Variants in NBPF20 observed in about 807,000 individuals in gnomAD.
NBPF20 encodes NBPF family member NBPF20.
Under a neutral mutation model 68.1 loss-of-function variants are expected in NBPF20, and 90 were observed. That is an observed-to-expected ratio of 1.32 (90% CI 1.11 to 1.58). NBPF20 has a LOEUF of 1.58. NBPF20 is among the 40% of genes most tolerant of loss of function. NBPF20 has a pLI of 0.00. For synonymous variants in NBPF20, 290 were observed against 228.1 expected (o/e 1.27, Z -2.45); for missense variants, 816 against 601.2 (o/e 1.36, Z -3.74).
intron 2 of NBPF20, among the ~76,000 whole-genome samples, chr1:145,404,084 G>T (rs587608348): frequency 4.4e-4 from 58 of 131,272 alleles, no homozygotes; most frequent in Admixed American, 8.7e-4. Flanking sequence ...CAACATGGAT[G>T]GAGCCCAGGA....
At chr1:145,395,121 T>A in exon 8 of NBPF20, 2 of 1,581,314 alleles carry the variant, frequency 1.3e-6, no homozygotes, top group Admixed American at 3.3e-5. Context: ...GACTTCCTCC[T>A]CTTCAGACTC....
chr1:145,291,674 G>T, exon 138 of NBPF20: 1 of 1,611,890 alleles, frequency 6.2e-7, no homozygotes, highest in East Asian at 2.2e-5. Flanking sequence ...GAATGAGTCA[G>T]GTAGTTCAAA....
intron 61 of NBPF20, 149 bp from the exon 67 acceptor site, chr1:145,352,238 G>A: frequency 4.9e-6 from 1 of 202,332 alleles, no homozygotes; most frequent in Non-Finnish European, 9.1e-6. Context: ...CCTTCATGTT[G>A]GGACAGAACA....
chr1:145,393,360 C>A (rs1662010068), intron 9 of NBPF20, 114 bp from the exon 15 acceptor site: 3 of 705,680 alleles, frequency 4.3e-6, no homozygotes, highest in African/African-American at 3.5e-5. Flanking sequence ...AGGACAGATC[C>A]ATTAATGAGG....
chr1:145,413,549 G>A, the NBPF20 span, among the ~76,000 whole-genome samples: 84 of 152,170 alleles, frequency 5.5e-4, no homozygotes, highest in Non-Finnish European at 6.8e-4. Flanking sequence ...GGAGCCATAC[G>A]CAAAAGAGTG....
the NBPF20 span, among the ~76,000 whole-genome samples, chr1:145,419,037 A>C: frequency 6.9e-6 from 1 of 145,310 alleles, no homozygotes; most frequent in Non-Finnish European, 1.5e-5. Context: ...AGAAGAAAGG[A>C]AGAAAGGAAA....
At position 145,403,332 on chromosome 1, in the gene NBPF20, G is replaced by A. The variant is rs2101583011; in HGVS notation, c.176-14C>T. 4 of 1,590,424 alleles carry A rather than the reference G, an allele frequency of 2.5e-6. No individual in the cohort carries two copies. The East Asian group carries it at 6.7e-5, about 27-fold the overall frequency. ...ACTCTTCATATTCTGAGAAAAGACA[G>A]ACACGCCTGCCTCAGTGGAAGGCTG... On this transcript the variant is annotated splice_polypyrimidine_tract_variant and intron_variant, in intron 2 of 137. Transcript: ENST00000369373.
In NBPF20 at chr1:145,292,149, G is replaced by A. The variant is rs587720182; in HGVS notation, c.16697+232C>T. Among the ~76,000 whole-genome samples, 3 of 149,988 alleles carry A rather than the reference G, an allele frequency of 2.0e-5. No homozygotes were observed. The East Asian group carries it at 5.8e-4, about 29-fold the overall frequency. ...AATATGCTCAAAATTCGATGCAGTG[G>A]CCATGAGAGTACAGCTTTTGAAGTA... On this transcript the variant is annotated intron_variant, in intron 137 of 137. Transcript: ENST00000369373.
At chr1:145,290,269 T>A (rs1473436523) in exon 138 of NBPF20, 2 of 149,192 alleles carry the variant, frequency 1.3e-5, no homozygotes, top group Non-Finnish European at 2.9e-5. Context: ...CTTTCCCAAG[T>A]ACTTCTTCAT....
chr1:145,295,639 G>C, intron 132 of NBPF20, 21 bp from the exon 138 acceptor site: 1 of 162,306 alleles, frequency 6.2e-6, no homozygotes, highest in Non-Finnish European at 1.0e-5. Context: ...TTCAGACATG[G>C]ACAGACATAT....
At chr1:145,395,582 T>C (rs1368654366) in intron 7 of NBPF20, among the ~76,000 whole-genome samples, 2 of 149,842 alleles carry the variant, frequency 1.3e-5, no homozygotes, top group East Asian at 3.9e-4. Context: ...ATTTACTTTT[T>C]CAATTTCTTT....
Position 145,291,586 on chromosome 1 carries a change from A to T in NBPF20, c.16881T>A (p.Phe5627Leu), listed in dbSNP as rs370020654. ...GGTGGAGACTTGTCACCGTCAAAGT[A>T]AAAAACCTATTGTCCACGTAAAGGG... The change falls in exon 138 of 138, where the codon TTT becomes TTA. Residue 5627 changes from phenylalanine (F) to leucine (L), a missense_variant. Phe to Leu is a conservative substitution (Grantham distance 22, BLOSUM62 0). Transcript: ENST00000369373. 687 of 1,611,986 alleles carry T rather than the reference A, an allele frequency of 4.3e-4. 1 individual carries two copies. Among genetic ancestry groups the T allele is most frequent in the Non-Finnish European group, 3.9e-4 (463 of 1,179,854 alleles).
At chr1:145,425,566 GC>G in the NBPF20 span, among the ~76,000 whole-genome samples, 1 of 152,216 alleles carries the variant, frequency 6.6e-6, no homozygotes, top group African/African-American at 2.4e-5. Context: ...CCCATAGCCT[GC>G]GGCCAGCTGG....
upstream of NBPF20, among the ~76,000 whole-genome samples, chr1:145,407,129 C>CT (rs1169737160): frequency 9.6e-5 from 14 of 145,172 alleles, no homozygotes; most frequent in Non-Finnish European, 1.5e-5. Flanking sequence ...ACTTAAAAGT[C>CT]TTTCATTTCC....
chr1:145,405,838 C>A (rs1294424232), upstream of NBPF20: 6 of 223,870 alleles, frequency 2.7e-5, no homozygotes, highest in African/African-American at 1.4e-4. Flanking sequence ...AGTTTCCCAA[C>A]AGGTTATATT....
chr1:145,415,285 G>A, the NBPF20 span, among the ~76,000 whole-genome samples: 3 of 151,938 alleles, frequency 2.0e-5, no homozygotes, highest in African/African-American at 7.3e-5. Flanking sequence ...TCCTATCTCA[G>A]TAGATGGAAT....
intron 8 of NBPF20, among the ~76,000 whole-genome samples, chr1:145,394,240 C>T (rs1280480784): frequency 1.3e-5 from 2 of 151,844 alleles, no homozygotes; most frequent in Non-Finnish European, 2.9e-5. Flanking sequence ...AGTTCTAACA[C>T]CTCATAGGAG....
At chr1:145,393,379 T>G (rs1439670410) in intron 9 of NBPF20, 133 bp from the exon 15 acceptor site, 2 of 713,080 alleles carry the variant, frequency 2.8e-6, no homozygotes, top group African/African-American at 1.8e-5. Flanking sequence ...GGTAAGAAAT[T>G]ATTGCCTTTA....
exon 4 of NBPF20, chr1:145,402,239 C>G: frequency 6.2e-7 from 1 of 1,608,458 alleles, no homozygotes; most frequent in Non-Finnish European, 8.5e-7. Context: ...AGGTCCTGCC[C>G]CTGGGACTTG....
Sources: gnomAD v4.1 joint callset for allele counts (sites outside exome capture counted in the v4.1 genomes callset) on GRCh38, gnomAD v4.1.1 for gene constraint, MANE v1.5 for transcripts, NCBI Gene and HGNC (gene_info 2026-07-23, HGNC 2026-07-21) for gene names.